OSBPL5: variants seen among roughly 807,000 people sequenced by gnomAD.
OSBPL5 encodes the protein oxysterol binding protein like 5.
OSBPL5 carries 71 observed loss-of-function variants against 111.2 expected under a neutral mutation model. The observed-to-expected ratio is 0.64, with a 90% CI of 0.53 to 0.78. OSBPL5 has a LOEUF of 0.78. Among genes scored for constraint, OSBPL5 ranks in the 30% least tolerant of loss-of-function variants. OSBPL5 has a pLI of 0.00. For synonymous variants in OSBPL5, 549 were observed against 513.9 expected (o/e 1.07, Z -0.93); for missense variants, 1,210 against 1,189.3 (o/e 1.02, Z -0.26).
intron 3 of OSBPL5, among the ~76,000 whole-genome samples, chr11:3,124,896 A>G (rs189816287): frequency 3.9e-5 from 6 of 152,284 alleles, no homozygotes; most frequent in Admixed American, 3.3e-4. Flanking sequence ...ATGCAGCTGA[A>G]TGGGGCTGTG....
intron 14 of OSBPL5, among the ~76,000 whole-genome samples, chr11:3,095,604 A>T (rs1422346146): frequency 2.6e-5 from 4 of 152,236 alleles, no homozygotes; most frequent in Non-Finnish European, 5.9e-5. Context: ...AAAGGTTCTG[A>T]AATCACCAAA....
At position 3,121,976 on chromosome 11, in the gene OSBPL5, C is replaced by T. The variant is rs372419287; in HGVS notation, c.402+21G>A. On this transcript the variant is annotated intron_variant, in intron 5 of 21. Coordinates refer to ENST00000263650, the MANE Select transcript of OSBPL5 (RefSeq NM_020896.4). This position sits in a 1 kb window ranked among gnomAD's most constrained non-coding sequence, Gnocchi z 4.3. The stretch of plus-strand genomic sequence containing the variant: ...CACGCTGACCCGTGTCCTGGGTGGC[C>T]GGAGGCCGGGCATCACCTACCTTCA... 25 of 1,543,818 alleles carry T rather than the reference C, an allele frequency of 1.6e-5. No homozygotes were observed. Among genetic ancestry groups the T allele is most frequent in the Admixed American group, 5.8e-5 (3 of 51,766 alleles).
intron 1 of OSBPL5, among the ~76,000 whole-genome samples, chr11:3,149,538 C>T (rs1338927307): frequency 1.3e-5 from 2 of 152,226 alleles, no homozygotes; most frequent in East Asian, 3.8e-4. Flanking sequence ...GGGTGCCGCC[C>T]GCGCAGGCCG....
At chr11:3,122,556 T>C in intron 3 of OSBPL5, 128 bp from the exon 4 acceptor site, 1 of 761,916 alleles carries the variant, frequency 1.3e-6, no homozygotes, top group Non-Finnish European at 2.1e-6. Context: ...GTTTCCCGCC[T>C]GGCACCCTCC....
chr11:3,108,943 T>C (rs1453240378), intron 7 of OSBPL5, among the ~76,000 whole-genome samples: 1 of 151,974 alleles, frequency 6.6e-6, no homozygotes, highest in Non-Finnish European at 1.5e-5. Flanking sequence ...TAATTTTGTA[T>C]TTTTAGTAGA....
At chr11:3,094,393 T>C in intron 14 of OSBPL5, 59 bp from the exon 15 acceptor site, 3 of 1,397,920 alleles carry the variant, frequency 2.1e-6, no homozygotes, top group Non-Finnish European at 2.0e-6. Flanking sequence ...CCCCAGGCCC[T>C]GCTGAGTACC....
rs1857788998 is a variant in OSBPL5 at position 3,108,427 on chromosome 11, G to T, written c.692-482C>A. Reference sequence around the variant, plus strand: ...GGTCCTCCCTCACTGGGAAGCACTGGTCAGGGTGCCAGGGGCTCCTGCCAG... The same window carrying T: ...GGTCCTCCCTCACTGGGAAGCACTGTTCAGGGTGCCAGGGGCTCCTGCCAG... On this transcript the variant is annotated intron_variant, in intron 7 of 21. Coordinates refer to ENST00000263650, the MANE Select transcript of OSBPL5 (RefSeq NM_020896.4). Among the ~76,000 whole-genome samples the T allele has an allele frequency of 3.9e-5, 6 of 152,166 alleles. No homozygotes were observed. The South Asian group carries it at 1.2e-3, about 32-fold the overall frequency.
rs1199527282 is a variant in OSBPL5 at position 3,092,374 on chromosome 11, G to C, written c.2259+58C>G. 3 of 1,508,678 alleles carry C rather than the reference G, an allele frequency of 2.0e-6. No individual in the cohort carries two copies. Among genetic ancestry groups the C allele is most frequent in the Non-Finnish European group, 1.8e-6 (2 of 1,123,416 alleles). The allele number at this position is 1,508,678 out of a possible 1,614,324, so 93.5% of individuals were successfully genotyped here. A position where few individuals can be genotyped will look rare whatever the true frequency, so the allele number is the denominator to read the frequency against. ...AGGAGTGAGGTGAGGAGCGAGGGGT[G>C]GTGGTGGCCACACGTGCAGCTAAGA... On this transcript the variant is annotated intron_variant, in intron 19 of 21. Transcript: ENST00000263650. The surrounding 1 kb of genome is among the most constrained non-coding windows in gnomAD (Gnocchi z 5.4).
At chr11:3,144,267 A>G (rs974494158) in intron 1 of OSBPL5, among the ~76,000 whole-genome samples, 1 of 152,122 alleles carries the variant, frequency 6.6e-6, no homozygotes, top group African/African-American at 2.4e-5. Flanking sequence ...ACCGCTGACA[A>G]TGAGAGCCCC....
chr11:3,118,182 C>T (rs979132637), intron 7 of OSBPL5, among the ~76,000 whole-genome samples: 1 of 152,194 alleles, frequency 6.6e-6, no homozygotes, highest in Admixed American at 6.5e-5. Context: ...AGGAAAATAT[C>T]TTGGGCTCCC....
rs534252843 is a variant in OSBPL5, at chr11:3,125,760, G to A, written c.219+713C>T. ...GCGGAGCTTGCAGTGAGCCGAGATCGCGCCACTGCACTCCAGCCTGGGTGA... is the reference window on the plus strand; with the variant it reads ...GCGGAGCTTGCAGTGAGCCGAGATCACGCCACTGCACTCCAGCCTGGGTGA... On this transcript the variant is annotated intron_variant, in intron 3 of 21. Coordinates refer to ENST00000263650, the MANE Select transcript of OSBPL5 (RefSeq NM_020896.4). Among the ~76,000 whole-genome samples the A allele has an allele frequency of 2.5e-3, 364 of 146,784 alleles. 2 individuals are homozygous for A. The highest frequency in any genetic ancestry group is 3.8e-3 in the Admixed American group (55 of 14,424).
intron 1 of OSBPL5, among the ~76,000 whole-genome samples, chr11:3,158,509 C>T (rs774590727): frequency 1.3e-5 from 2 of 152,188 alleles, no homozygotes; most frequent in Non-Finnish European, 2.9e-5. Flanking sequence ...GAAAGTGGGG[C>T]GTCCTCGGCA....
At chr11:3,159,254 T>TC (rs767481677) in intron 1 of OSBPL5, among the ~76,000 whole-genome samples, 1 of 152,112 alleles carries the variant, frequency 6.6e-6, no homozygotes, top group Non-Finnish European at 1.5e-5. Flanking sequence ...CTCTCAGGTG[T>TC]CCCTGGGGCT....
intron 1 of OSBPL5, among the ~76,000 whole-genome samples, chr11:3,131,715 CA>C (rs1590696427): frequency 1.4e-4 from 20 of 148,062 alleles, no homozygotes; most frequent in South Asian, 2.2e-4. Flanking sequence ...TCCATCCATC[CA>C]TCCATCCATC....
chr11:3,112,303 A>C (rs1473161872), intron 7 of OSBPL5, among the ~76,000 whole-genome samples: 1 of 152,136 alleles, frequency 6.6e-6, no homozygotes, highest in Non-Finnish European at 1.5e-5. Flanking sequence ...TGGGGGACCT[A>C]AAATAGTTTA....
At chr11:3,115,463 G>T (rs1222675667) in intron 7 of OSBPL5, among the ~76,000 whole-genome samples, 2 of 152,144 alleles carry the variant, frequency 1.3e-5, no homozygotes, top group African/African-American at 4.8e-5. Flanking sequence ...TTCAGGCCCG[G>T]TAGAAGATGC....
At chr11:3,120,049 G>A (rs540321533) in intron 6 of OSBPL5, 91 of 432,348 alleles carry the variant, frequency 2.1e-4, no homozygotes, top group African/African-American at 1.6e-3. Context: ...GTAACCAGGT[G>A]TTCAGGGTTT....
At chr11:3,132,775 A>G (rs1382768074) in intron 1 of OSBPL5, among the ~76,000 whole-genome samples, 2 of 152,244 alleles carry the variant, frequency 1.3e-5, no homozygotes, top group African/African-American at 4.8e-5. Flanking sequence ...GGAGGGCTCC[A>G]CATTGCACTT....
intron 7 of OSBPL5, among the ~76,000 whole-genome samples, chr11:3,112,049 GTGTGTGCA>G (rs745382226): frequency 0.34 from 20,539 of 60,662 alleles, 1,819 homozygotes; most frequent in Non-Finnish European, 0.39. Flanking sequence ...GTGCGCGCAT[GTGTGTGCA>G]TGTGTATGTG....
Sources: gnomAD v4.1 joint callset for allele counts (sites outside exome capture counted in the v4.1 genomes callset) on GRCh38, gnomAD v4.1.1 for gene constraint, Gnocchi (gnomAD v3.1) non-coding constraint, MANE v1.5 for transcripts, NCBI Gene and HGNC (gene_info 2026-07-23, HGNC 2026-07-21) for gene names.